Variants in CIT observed in about 807,000 individuals in gnomAD.
The protein encoded by CIT is citron Rho-interacting kinase.
Under a neutral mutation model 272.7 loss-of-function variants are expected in CIT, and 79 were observed. That is an observed-to-expected ratio of 0.29 (90% CI 0.24 to 0.35). CIT has a LOEUF of 0.35. CIT is among the 10% of genes least tolerant of loss of function. The pLI is 1.00. For missense variants in CIT, 1,909 were observed against 2,618.3 expected (o/e 0.73, Z 5.91); for synonymous variants, 948 against 995.6 (o/e 0.95, Z 0.90).
intron 39 of CIT, among the ~76,000 whole-genome samples, 168 bp from the exon 40 acceptor site, chr12:119,708,486 T>TA (rs1956989423): frequency 6.6e-6 from 1 of 152,142 alleles, no homozygotes; most frequent in African/African-American, 2.4e-5. Flanking sequence ...TTTATTTATT[T>TA]TTTTTTTTTA....
intron 3 of CIT, 58 bp downstream of exon 3, chr12:119,869,002 C>T: frequency 6.3e-7 from 1 of 1,593,206 alleles, no homozygotes; most frequent in South Asian, 1.1e-5. Context: ...CTGCCTCAAG[C>T]ATCTTTCTAG....
Position 119,811,576 on chromosome 12 carries a change from G to A in CIT, c.1112-8187C>T, listed in dbSNP as rs540540817. Among the ~76,000 whole-genome samples the A allele has an allele frequency of 2.0e-5, 3 of 152,332 alleles. No individual in the cohort carries two copies. The South Asian group carries it at 6.2e-4, about 32-fold the overall frequency. On this transcript the variant is annotated intron_variant, in intron 9 of 47. Transcript: ENST00000392521. ...AACAACTAGGCAGATAACCTCTCTG[G>A]TGGTGGATTTCAATGGAGATGTGAG...
intron 40 of CIT, among the ~76,000 whole-genome samples, chr12:119,706,155 GA>G (rs1956870544): frequency 6.6e-6 from 1 of 151,840 alleles, no homozygotes; most frequent in African/African-American, 2.4e-5. Context: ...GCTCTCTTCT[GA>G]GGGTCAAAAT....
At chr12:119,869,862 T>C (rs1002081463) in intron 2 of CIT, among the ~76,000 whole-genome samples, 27 of 152,216 alleles carry the variant, frequency 1.8e-4, no homozygotes, top group African/African-American at 6.0e-4. Flanking sequence ...CCGGCAACAC[T>C]GCCTCGCCTT....
chr12:119,855,496 G>A (rs919687988), intron 4 of CIT, among the ~76,000 whole-genome samples: 2 of 152,128 alleles, frequency 1.3e-5, no homozygotes, highest in Non-Finnish European at 2.9e-5. Flanking sequence ...AACCCTGGGT[G>A]GGCGTGCGGG....
In CIT at chr12:119,784,127, G is replaced by A. The variant is rs574308655; in HGVS notation, c.1402-76C>T. 455 of 1,612,900 alleles carry A rather than the reference G, an allele frequency of 2.8e-4. 1 individual carries two copies. In the African/African-American group the frequency reaches 4.2e-3, roughly 15 times the overall value. On this transcript the variant is annotated intron_variant, in intron 11 of 47. Coordinates refer to ENST00000392521, the MANE Select transcript of CIT (RefSeq NM_001206999.2). The surrounding 1 kb of genome is among the most constrained non-coding windows in gnomAD (Gnocchi z 4.7). ...AGCAATCACATCTCAAGTAGCCTCC[G>A]AAACCACCTGGTGGTCTGGGCTAAG...
intron 12 of CIT, 146 bp from the exon 13 acceptor site, chr12:119,782,783 G>A (rs1436718301): frequency 3.1e-6 from 3 of 975,042 alleles, no homozygotes; most frequent in Non-Finnish European, 4.4e-6. Flanking sequence ...GTTGGTTGCC[G>A]ACTCCGGTTT....
At chr12:119,726,333 C>A (rs1005802885) in intron 28 of CIT, among the ~76,000 whole-genome samples, 1 of 151,816 alleles carries the variant, frequency 6.6e-6, no homozygotes, top group African/African-American at 2.4e-5. Flanking sequence ...ATCCTCCCAC[C>A]TCAGCCTCCT....
At chr12:119,826,804 A>G (rs991042844) in intron 7 of CIT, among the ~76,000 whole-genome samples, 2 of 152,226 alleles carry the variant, frequency 1.3e-5, no homozygotes, top group Non-Finnish European at 2.9e-5. Context: ...GTAAGTCCAC[A>G]TACCTTGAAG....
At chr12:119,839,248 C>G (rs565940247) in intron 5 of CIT, among the ~76,000 whole-genome samples, 8 of 152,316 alleles carry the variant, frequency 5.3e-5, no homozygotes, top group Non-Finnish European at 8.8e-5. Context: ...TGCACACACA[C>G]ATATACAATG....
intron 47 of CIT, among the ~76,000 whole-genome samples, chr12:119,689,183 A>C (rs1484117217): frequency 7.5e-6 from 1 of 132,880 alleles, no homozygotes; most frequent in Non-Finnish European, 1.6e-5. Flanking sequence ...TGTCTCTAAA[A>C]CAAAACAAAA....
chr12:119,832,317 A>G (rs1348285662), intron 7 of CIT, among the ~76,000 whole-genome samples: 1 of 152,222 alleles, frequency 6.6e-6, no homozygotes, highest in Non-Finnish European at 1.5e-5. Context: ...AGACTTAAAA[A>G]TGATATTTTG....
At position 119,712,269 on chromosome 12, in the gene CIT, G is replaced by A. The variant is rs1957204136; in HGVS notation, c.4763C>T (p.Pro1588Leu). ...CCAGCGCTGTTTGTCAGGGAAGCTG[G>A]GAGCTAGCAAGTAGAGGGTTCTCCC... ...WPGRTLYLLA[P>L]SFPDKQRWVT... Residue 1588 changes from proline (P) to leucine (L), a missense_variant, in exon 37 of 48, where the codon CCC becomes CTC. Pro to Leu is a moderately conservative substitution (Grantham distance 98, BLOSUM62 -3). Coordinates refer to ENST00000392521, the MANE Select transcript of CIT (RefSeq NM_001206999.2). The surrounding 1 kb of genome is among the most constrained non-coding windows in gnomAD (Gnocchi z 5.2). The A allele has an allele frequency of 6.2e-7, 1 of 1,614,070 alleles. No homozygotes were observed. The highest frequency in any genetic ancestry group is 8.5e-7 in the Non-Finnish European group (1 of 1,180,020).
chr12:119,784,471 C>A lies in CIT; in HGVS notation c.1402-420G>T. ...GGGCAAGGAGATATTTATTCGTCTG[C>A]ACTCTTAGGAGTCCCAGGCAAGCAG... is the stretch of plus-strand genomic sequence containing the variant. On this transcript the variant is annotated intron_variant, in intron 11 of 47. Coordinates refer to ENST00000392521, the MANE Select transcript of CIT (RefSeq NM_001206999.2). The surrounding 1 kb of genome is among the most constrained non-coding windows in gnomAD (Gnocchi z 4.7). The A allele has an allele frequency of 1.7e-6, 2 of 1,197,296 alleles. No homozygotes were observed. The highest frequency in any genetic ancestry group is 1.6e-5 in the African/African-American group (1 of 63,124). The allele number at this position is 1,197,296 out of a possible 1,614,324, so 74.2% of individuals were successfully genotyped here. A position where few individuals can be genotyped will look rare whatever the true frequency, so the allele number is the denominator to read the frequency against.
chr12:119,841,391 T>A (rs1487754077), intron 5 of CIT, among the ~76,000 whole-genome samples: 4 of 152,084 alleles, frequency 2.6e-5, no homozygotes, highest in African/African-American at 9.7e-5. Context: ...GCCAGGCTGG[T>A]CTCAAATTCC....
At chr12:119,874,234 C>G (rs563680025) in intron 2 of CIT, among the ~76,000 whole-genome samples, 3 of 152,040 alleles carry the variant, frequency 2.0e-5, no homozygotes, top group Non-Finnish European at 4.4e-5. Context: ...CCATGCCCAG[C>G]TAATTTTCTA....
chr12:119,758,780 A>C, intron 20 of CIT, 80 bp from the exon 21 acceptor site: 2 of 944,218 alleles, frequency 2.1e-6, no homozygotes, highest in South Asian at 2.6e-5. Flanking sequence ...TAAAAGTTTC[A>C]TCTGAAATGA....
intron 26 of CIT, among the ~76,000 whole-genome samples, chr12:119,733,735 A>T (rs578106815): frequency 3.9e-5 from 6 of 152,192 alleles, no homozygotes; most frequent in Non-Finnish European, 2.9e-5. Flanking sequence ...GACAGCCCCC[A>T]TAACAAAGAA....
intron 14 of CIT, 108 bp from the exon 15 acceptor site, chr12:119,776,516 A>T (rs1963765039): frequency 1.7e-6 from 2 of 1,159,730 alleles, no homozygotes; most frequent in Non-Finnish European, 2.5e-6. Flanking sequence ...AAATAAGAAT[A>T]ATGTTATCTT....
Sources: gnomAD v4.1 joint callset for allele counts (sites outside exome capture counted in the v4.1 genomes callset) on GRCh38, gnomAD v4.1.1 for gene constraint, Gnocchi (gnomAD v3.1) non-coding constraint, MANE v1.5 for transcripts, NCBI Gene and HGNC (gene_info 2026-07-23, HGNC 2026-07-21) for gene names.